Variants in CSMD2 observed in about 807,000 individuals in gnomAD.
CSMD2 encodes the protein CUB and Sushi multiple domains 2.
CSMD2 carries 130 observed loss-of-function variants against 398.5 expected under a neutral mutation model. The observed-to-expected ratio is 0.33, with a 90% CI of 0.28 to 0.38. The LOEUF (loss-of-function observed/expected upper bound fraction) is 0.38, where lower values mean the gene tolerates loss of function less well. Among genes scored for constraint, CSMD2 ranks in the 10% least tolerant of loss-of-function variants. The pLI is 1.00. For missense variants in CSMD2, 3,829 were observed against 4,764.9 expected (o/e 0.80, Z 5.78); for synonymous variants, 1,828 against 1,908.5 (o/e 0.96, Z 1.10).
intron 62 of CSMD2, 57 bp downstream of exon 62, chr1:33,536,965 G>T: frequency 6.5e-7 from 1 of 1,539,170 alleles, no homozygotes; most frequent in South Asian, 1.1e-5. Context: ...CTCTTATGTT[G>T]ACAGTGACAA....
chr1:33,580,128 C>G (rs541334581), intron 48 of CSMD2, among the ~76,000 whole-genome samples: 1 of 152,194 alleles, frequency 6.6e-6, no homozygotes. Context: ...GCTTGCGGAG[C>G]CCAGTCAGCA....
At chr1:33,953,126 T>C (rs950424352) in intron 3 of CSMD2, among the ~76,000 whole-genome samples, 6 of 152,218 alleles carry the variant, frequency 3.9e-5, no homozygotes, top group African/African-American at 1.4e-4. Flanking sequence ...ATACAGGCCA[T>C]GGCCAGGCTT....
At chr1:33,951,066 C>T (rs937137485) in intron 3 of CSMD2, among the ~76,000 whole-genome samples, 8 of 152,232 alleles carry the variant, frequency 5.3e-5, no homozygotes, top group Admixed American at 5.2e-4. Context: ...CTCTATCTGA[C>T]AATCTGACCC....
At chr1:34,033,951 G>GA (rs936443208) in intron 2 of CSMD2, among the ~76,000 whole-genome samples, 1 of 151,982 alleles carries the variant, frequency 6.6e-6, no homozygotes, top group South Asian at 2.1e-4. Flanking sequence ...AAAAAGCAAA[G>GA]AAAAAATTAT....
At chr1:33,736,583 T>C (rs544542564) in intron 15 of CSMD2, among the ~76,000 whole-genome samples, 31 of 152,324 alleles carry the variant, frequency 2.0e-4, no homozygotes, top group Admixed American at 1.6e-3. Flanking sequence ...ATCGCAGAGC[T>C]AAAGTCTAAG....
At chr1:34,165,244 G>A (rs963741619), upstream of CSMD2, 10 of 1,178,454 alleles carry the variant, frequency 8.5e-6, no homozygotes, top group African/African-American at 1.4e-4. Context: ...CCAAGTGTCC[G>A]CCCGGCCGGG....
At chr1:33,544,102 C>CTTTTTT (rs57678063) in intron 57 of CSMD2, among the ~76,000 whole-genome samples, 3 of 89,368 alleles carry the variant, frequency 3.4e-5, no homozygotes, top group Non-Finnish European at 6.4e-5. Flanking sequence ...CCATATTTGT[C>CTTTTTT]TTTTTTTTTT....
At chr1:33,585,398 G>A (rs1480126211) in intron 46 of CSMD2, among the ~76,000 whole-genome samples, 2 of 152,168 alleles carry the variant, frequency 1.3e-5, no homozygotes, top group Non-Finnish European at 1.5e-5. Context: ...TAATCAGCAC[G>A]GGGGCTGGGC....
chr1:33,583,896 G>T, intron 46 of CSMD2, 66 bp from the exon 47 acceptor site: 1 of 1,409,652 alleles, frequency 7.1e-7, no homozygotes, highest in South Asian at 1.2e-5. Flanking sequence ...CAATACATTT[G>T]CTTTTCCCAA....
rs991341268 is a variant in CSMD2, at chr1:33,537,662, C to A, written c.9632-53G>T. ...TCTAAGTTGCTTTCCAGAACCCAATCTTCCAGTCCCACACCCCCATCTTTG... is the reference window on the plus strand; with the variant it reads ...TCTAAGTTGCTTTCCAGAACCCAATATTCCAGTCCCACACCCCCATCTTTG... On this transcript the variant is annotated intron_variant, in intron 60 of 70. Coordinates refer to ENST00000373381, the MANE Select transcript of CSMD2 (RefSeq NM_001281956.2). This position sits in a 1 kb window ranked among gnomAD's most constrained non-coding sequence, Gnocchi z 4.6. 32 of 1,533,118 alleles carry A rather than the reference C, an allele frequency of 2.1e-5. No homozygotes were observed. In the African/African-American group the frequency reaches 3.4e-4, roughly 16 times the overall value. The allele number at this position is 1,533,118 out of a possible 1,614,324, so 95.0% of individuals were successfully genotyped here.
At chr1:33,766,682 C>A (rs76744052) in intron 13 of CSMD2, among the ~76,000 whole-genome samples, 1 of 152,166 alleles carries the variant, frequency 6.6e-6, no homozygotes, top group Non-Finnish European at 1.5e-5. Context: ...CAACTTACAG[C>A]TATTAAATTA....
intron 13 of CSMD2, among the ~76,000 whole-genome samples, chr1:33,745,050 A>C (rs1647230889): frequency 1.3e-5 from 2 of 152,210 alleles, no homozygotes; most frequent in South Asian, 4.1e-4. Context: ...TGAACAAACT[A>C]TATGTCAGCC....
chr1:33,930,154 T>C (rs759761174), intron 4 of CSMD2, among the ~76,000 whole-genome samples: 1 of 152,216 alleles, frequency 6.6e-6, no homozygotes, highest in Non-Finnish European at 1.5e-5. Flanking sequence ...TAAATGATAA[T>C]TGAATTAATG....
intron 25 of CSMD2, among the ~76,000 whole-genome samples, chr1:33,684,737 C>T (rs1354976307): frequency 6.6e-6 from 1 of 152,238 alleles, no homozygotes. Flanking sequence ...CTCCACCCTG[C>T]ATGGTGAGCT....
At position 33,954,213 on chromosome 1, in the gene CSMD2, C is replaced by T. The variant is rs190000371; in HGVS notation, c.518-18259G>A. Among the ~76,000 whole-genome samples the T allele has an allele frequency of 2.2e-3, 332 of 152,174 alleles. 1 individual carries two copies. The highest frequency in any genetic ancestry group is 6.8e-3 in the Middle Eastern group (2 of 294). On this transcript the variant is annotated intron_variant, in intron 3 of 70. Transcript: ENST00000373381. Reference sequence around the variant, plus strand: ...GATCTTGTTTCTACAAATGAGGAAACGAAGACCGCAGAAATGAACTAACTT... The same window carrying T: ...GATCTTGTTTCTACAAATGAGGAAATGAAGACCGCAGAAATGAACTAACTT...
intron 3 of CSMD2, among the ~76,000 whole-genome samples, chr1:34,008,789 G>A (rs575737929): frequency 1.3e-5 from 2 of 152,308 alleles, no homozygotes; most frequent in East Asian, 3.9e-4. Flanking sequence ...AGTTCCATGA[G>A]GACAGGGTGT....
intron 13 of CSMD2, among the ~76,000 whole-genome samples, chr1:33,746,747 G>A (rs1647437602): frequency 6.6e-6 from 1 of 152,176 alleles, no homozygotes; most frequent in African/African-American, 2.4e-5. Flanking sequence ...CATTGTAGGT[G>A]CTCAACCAAT....
At chr1:33,909,156 C>T (rs911227262) in intron 5 of CSMD2, among the ~76,000 whole-genome samples, 1 of 152,180 alleles carries the variant, frequency 6.6e-6, no homozygotes, top group Non-Finnish European at 1.5e-5. Flanking sequence ...GACCTTGACT[C>T]TGCCTTGCTC....
At chr1:33,655,527 T>A (rs956814211) in intron 27 of CSMD2, among the ~76,000 whole-genome samples, 2 of 152,260 alleles carry the variant, frequency 1.3e-5, no homozygotes, top group African/African-American at 4.8e-5. Context: ...CACAGCTTGC[T>A]GTGGTGAAGG....
Sources: allele counts gnomAD v4.1 joint callset (sites outside exome capture counted in the v4.1 genomes callset), GRCh38; gene constraint gnomAD v4.1.1; non-coding constraint Gnocchi (gnomAD v3.1); transcripts MANE v1.5; gene names NCBI Gene and HGNC (gene_info 2026-07-23, HGNC 2026-07-21).